Variants in MAPKAP1 observed in about 807,000 individuals in gnomAD.
MAPKAP1 encodes target of rapamycin complex 2 subunit MAPKAP1.
In MAPKAP1, 20 loss-of-function variants were observed where a neutral mutation model predicts 65.7. The observed-to-expected ratio is 0.30, with a 90% CI of 0.21 to 0.44. The LOEUF (loss-of-function observed/expected upper bound fraction) is 0.44. MAPKAP1 is among the 20% of genes least tolerant of loss of function. MAPKAP1 has a pLI of 1.00. For missense variants in MAPKAP1, 423 were observed against 648.0 expected (o/e 0.65, Z 3.77); for synonymous variants, 222 against 244.3 (o/e 0.91, Z 0.85).
chr9:125,555,068 T>G (rs899104401), intron 6 of MAPKAP1, among the ~76,000 whole-genome samples: 5 of 152,194 alleles, frequency 3.3e-5, no homozygotes, highest in African/African-American at 9.6e-5. Context: ...GTTGTTAATT[T>G]GTATTTTATT....
At position 125,527,069 on chromosome 9, in the gene MAPKAP1, T is replaced by C. The variant is rs1829792177; in HGVS notation, c.958+15990A>G. 7.3e-5 allele frequency among the ~76,000 whole-genome samples: 3 copies of C among 41,204 alleles called. No individual in the cohort carries two copies. The South Asian group carries it at 3.4e-3, about 47-fold the overall frequency. The allele number at this position is 41,204 out of a possible 152,430, so 27.0% of individuals were successfully genotyped here. A position where few individuals can be genotyped will look rare whatever the true frequency, so the allele number is the denominator to read the frequency against. ...ATTCATACATGTAGTGTTTTTTTTG[T>C]TTGTTTTTTTTGGGGGATGTAGTCT... On this transcript the variant is annotated intron_variant, in intron 7 of 11. Coordinates refer to ENST00000265960, the MANE Select transcript of MAPKAP1 (RefSeq NM_001006617.3).
At chr9:125,625,255 TAAAAAAAAA>T (rs58671780) in intron 4 of MAPKAP1, among the ~76,000 whole-genome samples, 902 of 64,720 alleles carry the variant, frequency 0.014, 28 homozygotes, top group African/African-American at 0.05. Context: ...AATAAATAAA[TAAAAAAAAA>T]AAAAAAAAAA....
At chr9:125,703,578 C>G (rs376964883) in intron 1 of MAPKAP1, among the ~76,000 whole-genome samples, 1 of 152,124 alleles carries the variant, frequency 6.6e-6, no homozygotes, top group Non-Finnish European at 1.5e-5. Context: ...TTGAGACCAG[C>G]CTGGCCAACA....
At chr9:125,599,620 TTGAGATGGA>T in intron 4 of MAPKAP1, among the ~76,000 whole-genome samples, 1 of 151,476 alleles carries the variant, frequency 6.6e-6, no homozygotes. Flanking sequence ...TTTTTTTTTT[TTGAGATGGA>T]GTCTTGCTCT....
intron 4 of MAPKAP1, among the ~76,000 whole-genome samples, chr9:125,607,451 CA>C (rs1369776710): frequency 6.6e-6 from 1 of 152,196 alleles, no homozygotes; most frequent in African/African-American, 2.4e-5. Context: ...TAATCTCAAA[CA>C]ACTCTGAGTT....
At position 125,499,156 on chromosome 9, in the gene MAPKAP1, T is replaced by C. The variant is rs576981571; in HGVS notation, c.1066+7154A>G. ...CCAGGATGTGAACTGAGACAGTTCA[T>C]TGACAGCACATTCTCTTTAAGGACT... On this transcript the variant is annotated intron_variant, in intron 8 of 11. Coordinates refer to ENST00000265960, the MANE Select transcript of MAPKAP1 (RefSeq NM_001006617.3). Among the ~76,000 whole-genome samples the C allele has an allele frequency of 1.2e-4, 19 of 152,334 alleles. 1 individual carries two copies. The South Asian group carries it at 2.5e-3, about 20-fold the overall frequency.
intron 9 of MAPKAP1, among the ~76,000 whole-genome samples, chr9:125,470,278 C>T (rs562457216): frequency 1.3e-5 from 2 of 152,250 alleles, no homozygotes; most frequent in Admixed American, 6.5e-5. Context: ...GGAATATAAA[C>T]CAGAAATGAC....
intron 7 of MAPKAP1, among the ~76,000 whole-genome samples, chr9:125,520,403 C>T (rs1305686424): frequency 6.6e-6 from 1 of 152,180 alleles, no homozygotes; most frequent in Admixed American, 6.5e-5. Context: ...CATCTTCCTC[C>T]CCTCTAATGA....
chr9:125,681,199 T>C (rs1487060303), intron 1 of MAPKAP1, among the ~76,000 whole-genome samples: 1 of 152,212 alleles, frequency 6.6e-6, no homozygotes, highest in Non-Finnish European at 1.5e-5. Flanking sequence ...TATTTCCTCA[T>C]CCTTGAATCT....
At chr9:125,445,196 G>C (rs908419499) in intron 10 of MAPKAP1, among the ~76,000 whole-genome samples, 3 of 152,180 alleles carry the variant, frequency 2.0e-5, no homozygotes, top group Non-Finnish European at 2.9e-5. Flanking sequence ...CGACTCCAGG[G>C]GGCAGAGCTT....
chr9:125,516,445 A>G (rs924192185), intron 7 of MAPKAP1, among the ~76,000 whole-genome samples: 5 of 152,176 alleles, frequency 3.3e-5, no homozygotes, highest in Admixed American at 6.5e-5. Flanking sequence ...AGAGTAACAG[A>G]GCCTAAATAA....
intron 7 of MAPKAP1, among the ~76,000 whole-genome samples, chr9:125,539,011 A>C (rs1171197149): frequency 2.4e-4 from 37 of 152,188 alleles, no homozygotes; most frequent in Non-Finnish European, 2.9e-5. Context: ...ACTTGGCGGA[A>C]TAATGTTTGA....
chr9:125,486,123 G>A (rs975845662), intron 8 of MAPKAP1, among the ~76,000 whole-genome samples: 10 of 152,208 alleles, frequency 6.6e-5, no homozygotes, highest in African/African-American at 2.4e-4. Flanking sequence ...GTATACATGA[G>A]TGCTTACCAT....
chr9:125,459,463 C>T (rs7848800), intron 10 of MAPKAP1, among the ~76,000 whole-genome samples: 3,910 of 150,968 alleles, frequency 0.026, 89 homozygotes, highest in African/African-American at 0.091. Context: ...CCAAGGCAGG[C>T]GGCTGGGAGG....
rs117678049 is a variant in MAPKAP1 at position 125,480,437 on chromosome 9, C to T, written c.1207+4006G>A. On this transcript the variant is annotated intron_variant, in intron 9 of 11. Transcript: ENST00000265960. ...AAGCATTCCAAGCATTCACAAGTGA[C>T]GCCCCAGCCTCCAGTCGCCTCACTT... Among the ~76,000 whole-genome samples, 483 of 152,274 alleles carry T rather than the reference C, an allele frequency of 3.2e-3. 2 individuals are homozygous for T. Among genetic ancestry groups the T allele is most frequent in the Middle Eastern group, 6.8e-3 (2 of 294 alleles).
chr9:125,590,911 T>C (rs1289363679), intron 4 of MAPKAP1, among the ~76,000 whole-genome samples: 2 of 152,092 alleles, frequency 1.3e-5, no homozygotes, highest in African/African-American at 2.4e-5. Context: ...ATAGCTGAGA[T>C]TGCAGGCATG....
chr9:125,482,175 C>T (rs983742691), intron 9 of MAPKAP1, among the ~76,000 whole-genome samples: 1 of 142,974 alleles, frequency 7.0e-6, no homozygotes, highest in African/African-American at 2.6e-5. Context: ...AAAGTGTACA[C>T]ACAGAAAAAG....
At chr9:125,534,978 G>C (rs1234910095) in intron 7 of MAPKAP1, among the ~76,000 whole-genome samples, 2 of 152,188 alleles carry the variant, frequency 1.3e-5, no homozygotes, top group African/African-American at 4.8e-5. Context: ...AGCTGCTTGA[G>C]AGTAGGAACG....
At chr9:125,621,108 C>T (rs1832884514) in intron 4 of MAPKAP1, among the ~76,000 whole-genome samples, 3 of 151,904 alleles carry the variant, frequency 2.0e-5, no homozygotes, top group Admixed American at 6.6e-5. Context: ...CCCGTCTCTA[C>T]CAAAAATGCA....
Sources: allele counts gnomAD v4.1 joint callset (sites outside exome capture counted in the v4.1 genomes callset), GRCh38; gene constraint gnomAD v4.1.1; transcripts MANE v1.5; gene names NCBI Gene and HGNC (gene_info 2026-07-23, HGNC 2026-07-21).